The following DAB1 variants were observed in gnomAD, a reference collection of about 807,000 sequenced individuals.
The protein encoded by DAB1 is DAB adaptor protein 1, also known as disabled homolog 1.
Under a neutral mutation model 64.6 loss-of-function variants are expected in DAB1, and 15 were observed. That is an observed-to-expected ratio of 0.23 (90% CI 0.16 to 0.36). DAB1 has a LOEUF of 0.36. Among genes scored for constraint, DAB1 ranks in the 10% least tolerant of loss-of-function variants. DAB1 has a pLI of 1.00. For synonymous variants in DAB1, 235 were observed against 251.9 expected (o/e 0.93, Z 0.64); for missense variants, 596 against 706.7 (o/e 0.84, Z 1.78).
intron 5 of DAB1, among the ~76,000 whole-genome samples, chr1:58,040,422 T>A (rs1647117595): frequency 6.6e-6 from 1 of 152,190 alleles, no homozygotes; most frequent in Non-Finnish European, 1.5e-5. Flanking sequence ...CCTGGTCTCA[T>A]CTGCCGGCAT....
chr1:57,211,810 T>C (rs569967431), intron 2 of DAB1, among the ~76,000 whole-genome samples: 1 of 152,182 alleles, frequency 6.6e-6, no homozygotes, highest in Non-Finnish European at 1.5e-5. Context: ...CAACTATTTA[T>C]AAAGCCTTTA....
chr1:58,493,680 GAATA>G (rs1404925426), intron 3 of DAB1, among the ~76,000 whole-genome samples: 10 of 151,546 alleles, frequency 6.6e-5, no homozygotes, highest in Admixed American at 6.6e-4. Flanking sequence ...GCTTCAAAGA[GAATA>G]AAATAGCTAG....
intron 4 of DAB1, among the ~76,000 whole-genome samples, chr1:58,158,500 T>C (rs2100745022): frequency 6.6e-6 from 1 of 152,180 alleles, no homozygotes; most frequent in Non-Finnish European, 1.5e-5. Flanking sequence ...CAAAGGCTGC[T>C]CTATCTCCAA....
intron 1 of DAB1, among the ~76,000 whole-genome samples, chr1:57,341,356 A>G (rs971993820): frequency 6.6e-6 from 1 of 152,208 alleles, no homozygotes; most frequent in South Asian, 2.1e-4. Flanking sequence ...ACCAAACCTT[A>G]GTTTTAACAC....
chr1:57,870,690 A>G (rs1335055193), intron 1 of DAB1, among the ~76,000 whole-genome samples: 1 of 152,194 alleles, frequency 6.6e-6, no homozygotes, highest in Non-Finnish European at 1.5e-5. Context: ...TGCTAGGCAT[A>G]CAGCACATAC....
intron 7 of DAB1, among the ~76,000 whole-genome samples, chr1:57,637,686 A>G (rs1025691652): frequency 6.6e-6 from 1 of 152,192 alleles, no homozygotes; most frequent in African/African-American, 2.4e-5. Flanking sequence ...ATCAACTTCA[A>G]TCTTGGACAG....
chr1:58,098,699 C>T (rs991475464), intron 5 of DAB1, among the ~76,000 whole-genome samples: 5 of 152,098 alleles, frequency 3.3e-5, no homozygotes, highest in Non-Finnish European at 5.9e-5. Flanking sequence ...ATTTGACTAG[C>T]GTCCTTGAAA....
intron 2 of DAB1, among the ~76,000 whole-genome samples, chr1:58,526,126 C>CT (rs565745149): frequency 1.1e-3 from 163 of 152,180 alleles, no homozygotes; most frequent in African/African-American, 3.9e-3. Context: ...ACAGAACACA[C>CT]TTAACATATA....
At chr1:58,001,638 G>T (rs962379532) in intron 5 of DAB1, among the ~76,000 whole-genome samples, 4 of 152,178 alleles carry the variant, frequency 2.6e-5, no homozygotes, top group Admixed American at 2.6e-4. Context: ...AGGTCTCATT[G>T]TCACTTGGGG....
At chr1:57,212,872 T>C (rs1249914221) in intron 2 of DAB1, among the ~76,000 whole-genome samples, 1 of 152,162 alleles carries the variant, frequency 6.6e-6, no homozygotes, top group Non-Finnish European at 1.5e-5. Flanking sequence ...GTCACCCCAG[T>C]CTCAGAACCC....
At chr1:57,303,889 TC>T (rs1371139250) in intron 1 of DAB1, among the ~76,000 whole-genome samples, 4 of 151,788 alleles carry the variant, frequency 2.6e-5, no homozygotes, top group African/African-American at 4.8e-5. Flanking sequence ...CCAGAAAAAC[TC>T]CCCCCTGCCT....
chr1:57,938,138 T>G (rs528518351), intron 5 of DAB1, among the ~76,000 whole-genome samples: 1 of 152,220 alleles, frequency 6.6e-6, no homozygotes, highest in Non-Finnish European at 1.5e-5. Context: ...TTAGAGACAT[T>G]TGGGGACCAG....
At chr1:58,220,562 GATGTGTAAGT>G (rs1659105749) in intron 4 of DAB1, among the ~76,000 whole-genome samples, 1 of 152,110 alleles carries the variant, frequency 6.6e-6, no homozygotes, top group African/African-American at 2.4e-5. Context: ...AAAATTTACA[GATGTGTAAGT>G]ATAGAGCCCG....
intron 3 of DAB1, chr1:58,468,124 C>G (rs1645315055): frequency 6.6e-6 from 1 of 152,266 alleles, no homozygotes; most frequent in Non-Finnish European, 1.5e-5. Flanking sequence ...GGGATTTCAC[C>G]ATGTTGGCCA....
intron 1 of DAB1, among the ~76,000 whole-genome samples, chr1:57,368,001 G>C (rs964012284): frequency 6.6e-6 from 1 of 152,210 alleles, no homozygotes; most frequent in Non-Finnish European, 1.5e-5. Context: ...GGAAGGCTTG[G>C]AAATACCTGC....
At chr1:57,070,976 G>A (rs1651401514) in intron 7 of DAB1, 47 bp downstream of exon 7, 2 of 1,517,838 alleles carry the variant, frequency 1.3e-6, no homozygotes, top group Non-Finnish European at 9.2e-7. Context: ...TCTGGCACAG[G>A]TCTAGTCACT....
At chr1:57,778,682 C>T (rs953948450) in intron 6 of DAB1, among the ~76,000 whole-genome samples, 2 of 152,026 alleles carry the variant, frequency 1.3e-5, no homozygotes, top group South Asian at 4.1e-4. Context: ...TCGCCATCTG[C>T]GATTGCTATA....
At chr1:57,674,379 A>G (rs1646542170) in intron 6 of DAB1, among the ~76,000 whole-genome samples, 1 of 152,202 alleles carries the variant, frequency 6.6e-6, no homozygotes, top group African/African-American at 2.4e-5. Flanking sequence ...AAGACACTCA[A>G]GAATTACTGG....
chr1:57,532,533 C>G (rs541834689), intron 7 of DAB1, among the ~76,000 whole-genome samples: 71 of 152,170 alleles, frequency 4.7e-4, no homozygotes, highest in Non-Finnish European at 8.8e-4. Flanking sequence ...GTGACTGGTC[C>G]AAAGCAAAGC....
Sources: allele counts gnomAD v4.1 joint callset (sites outside exome capture counted in the v4.1 genomes callset), GRCh38; gene constraint gnomAD v4.1.1; transcripts MANE v1.5; gene names NCBI Gene and HGNC (gene_info 2026-07-23, HGNC 2026-07-21).